The following ABCC12 variants were observed in gnomAD, a reference collection of about 807,000 sequenced individuals.
The protein encoded by ABCC12 is ATP-binding cassette sub-family C member 12.
Under a neutral mutation model 151.1 loss-of-function variants are expected in ABCC12, and 142 were observed. The ratio of observed to expected loss-of-function variants is 0.94; its 90% CI spans 0.82 to 1.08. The LOEUF (loss-of-function observed/expected upper bound fraction) is 1.08, where lower values mean the gene tolerates loss of function less well. Among genes scored for constraint, ABCC12 ranks in the 50% least tolerant of loss-of-function variants. ABCC12 has a pLI of 0.00. For missense variants in ABCC12, 1,638 were observed against 1,691.1 expected (o/e 0.97, Z 0.55); for synonymous variants, 645 against 646.4 (o/e 1.00, Z 0.03).
chr16:48,112,031 G>T, intron 15 of ABCC12, 121 bp from the exon 16 acceptor site: 2 of 1,280,230 alleles, frequency 1.6e-6, no homozygotes, highest in Non-Finnish European at 2.1e-6. Flanking sequence ...TGTTTGAGGG[G>T]GCTGTCCTGT....
chr16:48,115,356 G>A, intron 15 of ABCC12, 59 bp downstream of exon 15: 4 of 1,560,096 alleles, frequency 2.6e-6, no homozygotes, highest in Non-Finnish European at 2.6e-6. Flanking sequence ...GGCTCTGTGA[G>A]CATCAGATCC....
chr16:48,142,578 T>C (rs928873318), intron 4 of ABCC12, among the ~76,000 whole-genome samples: 5 of 152,176 alleles, frequency 3.3e-5, no homozygotes, highest in African/African-American at 1.2e-4. Context: ...CTAGCTGAGA[T>C]TTCTTCGGGG....
chr16:48,114,813 T>C (rs975569484), intron 15 of ABCC12, among the ~76,000 whole-genome samples: 7 of 152,146 alleles, frequency 4.6e-5, no homozygotes, highest in Admixed American at 2.0e-4. Flanking sequence ...TCTGCCAAAT[T>C]CTTAAATTCA....
At chr16:48,122,085 A>C (rs973484813) in intron 12 of ABCC12, among the ~76,000 whole-genome samples, 2 of 152,238 alleles carry the variant, frequency 1.3e-5, no homozygotes, top group African/African-American at 4.8e-5. Context: ...CTCTGCTACA[A>C]ATGGGAGAGC....
chr16:48,135,488 C>A (rs1188194346), intron 8 of ABCC12, among the ~76,000 whole-genome samples: 7 of 152,114 alleles, frequency 4.6e-5, no homozygotes, highest in Non-Finnish European at 8.8e-5. Flanking sequence ...TCAAGCGATC[C>A]TTCCACCTCA....
intron 23 of ABCC12, 29 bp downstream of exon 23, chr16:48,100,843 C>T (rs2150599850): frequency 6.2e-7 from 1 of 1,609,380 alleles, no homozygotes. Flanking sequence ...AGCATGGGGG[C>T]CTGGGGCAGG....
chr16:48,105,435 G>T, intron 20 of ABCC12, 99 bp from the exon 21 acceptor site: 1 of 1,207,130 alleles, frequency 8.3e-7, no homozygotes, highest in Non-Finnish European at 1.2e-6. Flanking sequence ...AAACTAAGAA[G>T]AAGCACATGA....
chr16:48,107,680 A>G (rs760720015), intron 19 of ABCC12, among the ~76,000 whole-genome samples: 26 of 152,192 alleles, frequency 1.7e-4, no homozygotes, highest in Non-Finnish European at 2.2e-4. Context: ...GTGCACTTCA[A>G]TAGAAGTGAC....
At chr16:48,147,673 G>A (rs919713177) in intron 2 of ABCC12, among the ~76,000 whole-genome samples, 3 of 152,064 alleles carry the variant, frequency 2.0e-5, no homozygotes, top group Non-Finnish European at 4.4e-5. Context: ...ATCTCATCTG[G>A]GGCACTCTGG....
chr16:48,102,523 C>T (rs1044344670), intron 22 of ABCC12, among the ~76,000 whole-genome samples: 1 of 152,194 alleles, frequency 6.6e-6, no homozygotes. Flanking sequence ...CTTCAAGAAC[C>T]TGGACACCCT....
At chr16:48,153,029 A>T (rs1965137381) in intron 2 of ABCC12, among the ~76,000 whole-genome samples, 1 of 151,954 alleles carries the variant, frequency 6.6e-6, no homozygotes, top group Admixed American at 6.6e-5. Context: ...CACCCGCCTG[A>T]CCCTCTTCCA....
intron 10 of ABCC12, among the ~76,000 whole-genome samples, chr16:48,129,984 A>C (rs188987969): frequency 1.9e-4 from 29 of 152,334 alleles, no homozygotes; most frequent in African/African-American, 6.0e-4. Flanking sequence ...CATAATCAGG[A>C]GTTGACTTAA....
intron 28 of ABCC12, 34 bp downstream of exon 28, chr16:48,086,707 A>G (rs879727157): frequency 7.0e-6 from 11 of 1,580,696 alleles, no homozygotes; most frequent in Admixed American, 5.0e-5. Context: ...GGTGCTGGGA[A>G]ACAAACTCCT....
chr16:48,084,928 C>T (rs894944083), intron 29 of ABCC12, among the ~76,000 whole-genome samples: 13 of 152,030 alleles, frequency 8.6e-5, no homozygotes, highest in Non-Finnish European at 1.9e-4. Context: ...TACTTAACTT[C>T]CCCGAGGCTC....
At position 48,133,775 on chromosome 16, in the gene ABCC12, G is replaced by C. The variant is rs753660443; in HGVS notation, c.1040C>G (p.Ser347Cys). 3.1e-6 allele frequency: 5 copies of C among 1,614,134 alleles called. No homozygotes were observed. In the South Asian group the frequency reaches 4.4e-5, roughly 14 times the overall value. The part of the protein sequence containing the change: ...EKAGFVQSGN[S>C]ALAPIVSTIA... ...GGTGGACACGATGGGGGCCAGGGCA[G>C]AGTTTCCACTTTGGACAAATCCAGC... Residue 347 changes from serine to cysteine, a missense_variant, in exon 9 of 31, where the codon TCT (serine) becomes TGT (cysteine). Coordinates refer to ENST00000311303, the MANE Select transcript of ABCC12 (RefSeq NM_001393797.1).
chr16:48,124,134 G>A, intron 12 of ABCC12, 79 bp downstream of exon 12: 1 of 1,462,970 alleles, frequency 6.8e-7, no homozygotes, highest in Non-Finnish European at 9.6e-7. Flanking sequence ...CCATCTGCTG[G>A]GTCCACGCCT....
rs547151562 is a variant in ABCC12, at chr16:48,086,294, C to G, written c.3714+447G>C. Reference sequence around the variant, plus strand: ...CCATACTTGCCATTCCCAGAACATTCCACACCCTTCTGTTTTCTGTGGCTT... The same window carrying G: ...CCATACTTGCCATTCCCAGAACATTGCACACCCTTCTGTTTTCTGTGGCTT... On this transcript the variant is annotated intron_variant, in intron 28 of 30. Transcript: ENST00000311303. The G allele has an allele frequency of 4.4e-5, 8 of 180,540 alleles. No homozygotes were observed. The South Asian group carries it at 1.0e-3, about 24-fold the overall frequency. The allele number at this position is 180,540 out of a possible 1,614,324, so 11.2% of individuals were successfully genotyped here.
Position 48,091,203 on chromosome 16 carries a change from C to T in ABCC12, c.3202G>A (p.Gly1068Arg), listed in dbSNP as rs757838507. 3.1e-6 allele frequency: 5 copies of T among 1,614,042 alleles called. No homozygotes were observed. The highest frequency in any genetic ancestry group is 2.7e-5 in the African/African-American group (2 of 75,028). Residue 1068 changes from glycine to arginine, a missense_variant, in exon 25 of 31, where the codon GGA becomes AGA. By Grantham distance (125) the Gly-to-Arg change is moderately radical. Coordinates refer to ENST00000311303, the MANE Select transcript of ABCC12 (RefSeq NM_001393797.1). ...GTTCGCACACACACTTGGAGCAGTC[C>T]GCTCAGCTGTTGAAAAGGAGCGAGC... ...LSLSYIIQLS[G>R]LLQVCVRTGT...
intron 2 of ABCC12, 22 bp from the exon 3 acceptor site, chr16:48,146,496 G>T (rs1234940697): frequency 3.1e-5 from 39 of 1,253,540 alleles, no homozygotes; most frequent in Non-Finnish European, 4.5e-5. Context: ...AAATGGCAAA[G>T]GTTATTGAGA....
Sources: gnomAD v4.1 joint callset for allele counts (sites outside exome capture counted in the v4.1 genomes callset) on GRCh38, gnomAD v4.1.1 for gene constraint, MANE v1.5 for transcripts, NCBI Gene and HGNC (gene_info 2026-07-23, HGNC 2026-07-21) for gene names.